Variants in UNC13A observed in about 807,000 individuals in gnomAD.
The protein encoded by UNC13A is unc-13 homolog A, also known as protein unc-13 homolog A.
Under a neutral mutation model 219.7 loss-of-function variants are expected in UNC13A, and 61 were observed. That is an observed-to-expected ratio of 0.28 (90% CI 0.23 to 0.34). The LOEUF (loss-of-function observed/expected upper bound fraction) is 0.34. Ranked by LOEUF, UNC13A falls within the 10% of genes least tolerant of loss-of-function variation. UNC13A has a pLI of 1.00. For missense variants in UNC13A, 1,476 were observed against 2,270.3 expected, an observed-to-expected ratio of 0.65 and a Z score of 7.11; for synonymous variants, 920 against 884.6, an observed-to-expected ratio of 1.04 and a Z score of -0.71.
At position 17,668,135 on chromosome 19, in the gene UNC13A, A is replaced by G; in HGVS notation, c.450T>C (p.Ala150=). The G allele has an allele frequency of 6.2e-7, 1 of 1,613,806 alleles. No individual in the cohort carries two copies. Among genetic ancestry groups the G allele is most frequent in the Non-Finnish European group, 8.5e-7 (1 of 1,179,788 alleles). ...CACTCACTTCATCCTGGTCCCGCAT[A>G]GCATTGAGCTGCTCCAGCTTCTTGG... ...YWAKKLEQLN[A]MRDQDEYSFQ... The change falls in exon 6 of 44, where the codon GCT becomes GCC. Residue 150 remains alanine (A), a synonymous_variant. Transcript: ENST00000519716.
intron 1 of UNC13A, among the ~76,000 whole-genome samples, chr19:17,677,718 CTTTG>C (rs900492340): frequency 2.0e-5 from 3 of 152,096 alleles, no homozygotes; most frequent in African/African-American, 4.8e-5. Flanking sequence ...AAATTAGTGT[CTTTG>C]TTTGTGTAGG....
chr19:17,637,178 T>C (rs73526077), intron 25 of UNC13A, among the ~76,000 whole-genome samples: 27,624 of 152,088 alleles, frequency 0.18, 2,784 homozygotes, highest in Middle Eastern at 0.24. Context: ...TCTCGCTATG[T>C]TGCCCAAACT....
chr19:17,607,309 T>C (rs2076542329), intron 43 of UNC13A, among the ~76,000 whole-genome samples: 1 of 152,140 alleles, frequency 6.6e-6, no homozygotes, highest in African/African-American at 2.4e-5. Flanking sequence ...TCACCCAGGC[T>C]GGAGTGCAGT....
rs1380717744 is a variant in UNC13A, at chr19:17,647,256, C to A, written c.2044+9G>T. ...AGGAGGGGCCCTATGGCGGCCCACG[C>A]CCCCTCACCGGTGATGCTGATCTTG... On this transcript the variant is annotated intron_variant, in intron 17 of 43. Transcript: ENST00000519716. 1.3e-6 allele frequency: 2 copies of A among 1,560,098 alleles called. No individual in the cohort carries two copies. The highest frequency in any genetic ancestry group is 1.7e-6 in the Non-Finnish European group (2 of 1,152,824).
intron 11 of UNC13A, among the ~76,000 whole-genome samples, chr19:17,654,269 G>T (rs1669378805): frequency 6.6e-6 from 1 of 151,912 alleles, no homozygotes; most frequent in Admixed American, 6.6e-5. Context: ...TGTTTTTCTT[G>T]TATATCACAT....
intron 25 of UNC13A, among the ~76,000 whole-genome samples, chr19:17,636,651 G>C (rs1318122570): frequency 1.3e-5 from 2 of 151,992 alleles, no homozygotes; most frequent in Non-Finnish European, 2.9e-5. Flanking sequence ...TCAAAATAAT[G>C]GAAATAAATC....
chr19:17,670,923 T>TAAAAC (rs1295008916), intron 4 of UNC13A, among the ~76,000 whole-genome samples: 1 of 88,594 alleles, frequency 1.1e-5, no homozygotes, highest in Admixed American at 1.0e-4. Context: ...TAAAATAAAA[T>TAAAAC]AAAATAAAAT....
intron 33 of UNC13A, 138 bp from the exon 34 acceptor site, chr19:17,626,923 G>C: frequency 3.0e-6 from 4 of 1,314,334 alleles, no homozygotes; most frequent in Non-Finnish European, 4.0e-6. Context: ...GCCAGATGCG[G>C]TGGCTCACGC....
At chr19:17,647,123 G>A (rs958981017) in intron 17 of UNC13A, 142 bp downstream of exon 17, 20 of 766,390 alleles carry the variant, frequency 2.6e-5, no homozygotes, top group Non-Finnish European at 4.2e-5. Context: ...CCATATGCGT[G>A]CACACACGGA....
At chr19:17,619,438 CT>C (rs3049774) in intron 38 of UNC13A, among the ~76,000 whole-genome samples, 8,183 of 90,218 alleles carry the variant, frequency 0.091, 753 homozygotes, top group African/African-American at 0.23. Context: ...TTTTTCTTTT[CT>C]TTTTTTTTTT....
intron 8 of UNC13A, among the ~76,000 whole-genome samples, chr19:17,663,094 G>C (rs1015466038): frequency 6.6e-6 from 1 of 151,990 alleles, no homozygotes; most frequent in African/African-American, 2.4e-5. Flanking sequence ...CTGCCGTTCT[G>C]TTAGAGACCC....
rs559001895 is a variant in UNC13A at position 17,643,381 on chromosome 19, G to A, written c.2357-421C>T. On this transcript the variant is annotated intron_variant, in intron 19 of 43. Transcript: ENST00000519716. Reference sequence around the variant, plus strand: ...GTGGTCCAGGTTAGAGTGCGGTGGCGCAATCTTGGCTCACTGCAATCTCCA... The same window carrying A: ...GTGGTCCAGGTTAGAGTGCGGTGGCACAATCTTGGCTCACTGCAATCTCCA... 2.8e-4 allele frequency among the ~76,000 whole-genome samples: 43 copies of A among 151,348 alleles called. No individual in the cohort carries two copies. In the South Asian group the frequency reaches 3.8e-3, roughly 13 times the overall value.
At chr19:17,677,710 A>G (rs1480113125) in intron 1 of UNC13A, among the ~76,000 whole-genome samples, 1 of 151,886 alleles carries the variant, frequency 6.6e-6, no homozygotes, top group Non-Finnish European at 1.5e-5. Context: ...TCCTTTTCAA[A>G]TTAGTGTCTT....
At chr19:17,633,268 C>T in intron 26 of UNC13A, 75 bp from the exon 27 acceptor site, 1 of 1,390,182 alleles carries the variant, frequency 7.2e-7, no homozygotes, top group Non-Finnish European at 1.0e-6. Flanking sequence ...CCTTCCCTGC[C>T]CCACAGAGGA....
Position 17,639,193 on chromosome 19 carries a change from G to A in UNC13A, c.2971C>T (p.Arg991Ter). 6.2e-7 allele frequency: 1 copy of A among 1,613,992 alleles called. No individual in the cohort carries two copies. Among genetic ancestry groups the A allele is most frequent in the Non-Finnish European group, 8.5e-7 (1 of 1,179,916 alleles). Residue 991 changes from arginine to a stop codon, truncating the protein, a stop_gained, in exon 25 of 44, where the codon CGA becomes TGA. Transcript: ENST00000519716. LOFTEE classifies it high-confidence loss of function. The part of the protein sequence containing the change: ...MKVQELQSPP[R>*]ASQVVKDCVK... The stretch of plus-strand genomic sequence containing the variant: ...CAGTCCTTTACCACCTGGCTGGCTC[G>A]GGGCGGGCTCTGGAGTTCTTGTACC...
At chr19:17,648,408 C>A in intron 16 of UNC13A, 23 bp downstream of exon 16, 3 of 1,537,774 alleles carry the variant, frequency 2.0e-6, no homozygotes, top group Non-Finnish European at 2.6e-6. Flanking sequence ...ACCCGTGGCC[C>A]TGCGCTCAGG....
chr19:17,627,360 A>G lies in UNC13A; in HGVS notation c.3920+149T>C. On this transcript the variant is annotated intron_variant, in intron 33 of 43. Coordinates refer to ENST00000519716, the MANE Select transcript of UNC13A (RefSeq NM_001080421.3). This position sits in a 1 kb window ranked among gnomAD's most constrained non-coding sequence, Gnocchi z 4.7. ...CTCACCCAAGGCCACACAGCTAGTA[A>G]GCAGTAAAGCCAAGATTTGAACTCA... 1.6e-6 allele frequency: 1 copy of G among 631,512 alleles called. No homozygotes were observed. The highest frequency in any genetic ancestry group is 2.8e-6 in the Non-Finnish European group (1 of 363,382). 39.1% of individuals were successfully genotyped at this position (631,512 alleles called of 1,614,324 possible). A position where few individuals can be genotyped will look rare whatever the true frequency, so the allele number is the denominator to read the frequency against.
At chr19:17,630,530 A>G in intron 29 of UNC13A, 124 bp downstream of exon 29, 1 of 1,224,462 alleles carries the variant, frequency 8.2e-7, no homozygotes, top group East Asian at 2.4e-5. Context: ...AGATTTTAAA[A>G]ACCATGAGCA....
chr19:17,630,765 C>T lies in UNC13A; in HGVS notation c.3429-15G>A, dbSNP rs374817278. The T allele has an allele frequency of 3.2e-5, 51 of 1,611,706 alleles. No homozygotes were observed. The highest frequency in any genetic ancestry group is 1.7e-4 in the African/African-American group (13 of 74,898). On this transcript the variant is annotated splice_polypyrimidine_tract_variant and intron_variant, in intron 28 of 43. Transcript: ENST00000519716. ...GTTCAAACCATCTGGAATGAAGAGC[C>T]GGGGTGGGGCTCTGCCACCTCTTGT...
Sources: allele counts gnomAD v4.1 joint callset (sites outside exome capture counted in the v4.1 genomes callset), GRCh38; gene constraint gnomAD v4.1.1; non-coding constraint Gnocchi (gnomAD v3.1); transcripts MANE v1.5; gene names NCBI Gene and HGNC (gene_info 2026-07-23, HGNC 2026-07-21).